Variants in IRGM observed in about 807,000 individuals in gnomAD.
The protein encoded by IRGM is immunity related GTPase M.
For missense variants in IRGM, 288 were observed against 219.9 expected, an observed-to-expected ratio of 1.31 and a Z score of -1.96; for synonymous variants, 98 against 80.6, an observed-to-expected ratio of 1.22 and a Z score of -1.16.
intron 1 of IRGM, among the ~76,000 whole-genome samples, chr5:150,863,372 A>C (rs1754162889): frequency 2.6e-5 from 4 of 152,198 alleles, no homozygotes; most frequent in Admixed American, 2.0e-4. Flanking sequence ...ACAGTGTTGA[A>C]ATTTTTGCAA....
intron 3 of IRGM, among the ~76,000 whole-genome samples, chr5:150,887,920 C>T (rs1000800260): frequency 9.2e-5 from 14 of 151,980 alleles, no homozygotes; most frequent in African/African-American, 3.1e-4. Context: ...GCATAATAAC[C>T]AGCTAAGAGC....
chr5:150,865,313 GAACT>G (rs984429244), intron 1 of IRGM, among the ~76,000 whole-genome samples: 1 of 152,006 alleles, frequency 6.6e-6, no homozygotes, highest in African/African-American at 2.4e-5. Flanking sequence ...ATTAGAAAAA[GAACT>G]AAAACAGGCA....
chr5:150,883,750 AG>A (rs1754478006), intron 3 of IRGM, among the ~76,000 whole-genome samples: 1 of 152,010 alleles, frequency 6.6e-6, no homozygotes, highest in South Asian at 2.1e-4. Context: ...AGTAAGAAAA[AG>A]TCTCCCACCA....
chr5:150,871,140 C>T (rs1276820225), intron 1 of IRGM, among the ~76,000 whole-genome samples: 1 of 152,202 alleles, frequency 6.6e-6, no homozygotes, highest in East Asian at 1.9e-4. Context: ...TCACCCCATG[C>T]TACAGTTTGA....
intron 1 of IRGM, among the ~76,000 whole-genome samples, chr5:150,872,472 G>A (rs1477182835): frequency 6.6e-6 from 1 of 152,182 alleles, no homozygotes; most frequent in African/African-American, 2.4e-5. Context: ...GCCCCTAGAG[G>A]TGAGGTTCAT....
intron 3 of IRGM, among the ~76,000 whole-genome samples, chr5:150,892,209 GT>G (rs34123150): frequency 0.2 from 29,823 of 146,932 alleles, 4,630 homozygotes; most frequent in East Asian, 0.43. Context: ...TTTTTATGGA[GT>G]TTTTTTTTTT....
intron 3 of IRGM, among the ~76,000 whole-genome samples, chr5:150,892,193 TAA>T (rs927079600): frequency 1.3e-5 from 2 of 148,772 alleles, no homozygotes; most frequent in African/African-American, 5.1e-5. Flanking sequence ...ATGGTGACAT[TAA>T]GTGTTTTTAT....
chr5:150,896,386 T>A (rs1754782029), intron 3 of IRGM: 1 of 1,613,570 alleles, frequency 6.2e-7, no homozygotes, highest in South Asian at 1.1e-5. Context: ...TGATGTACAA[T>A]GAGTTGTGAC....
At chr5:150,885,833 T>A (rs1416761424) in intron 3 of IRGM, among the ~76,000 whole-genome samples, 2 of 152,112 alleles carry the variant, frequency 1.3e-5, no homozygotes, top group Non-Finnish European at 2.9e-5. Flanking sequence ...ATGGGGTTTT[T>A]TAGATATAGA....
chr5:150,891,621 G>A (rs912952219), intron 3 of IRGM, among the ~76,000 whole-genome samples: 1 of 152,024 alleles, frequency 6.6e-6, no homozygotes, highest in Non-Finnish European at 1.5e-5. Context: ...CTACTGCCAA[G>A]TTATATTGTG....
intron 1 of IRGM, among the ~76,000 whole-genome samples, chr5:150,872,710 TG>T (rs1372215150): frequency 3.3e-5 from 5 of 152,140 alleles, no homozygotes; most frequent in African/African-American, 1.2e-4. Flanking sequence ...TTCTAATTGT[TG>T]GTTTGCTTGG....
chr5:150,857,876 G>T (rs1754080552), intron 1 of IRGM, among the ~76,000 whole-genome samples: 1 of 151,448 alleles, frequency 6.6e-6, no homozygotes, highest in South Asian at 2.1e-4. Context: ...TTTGTAGGTT[G>T]CCTGTTCACT....
At chr5:150,892,350 GCATAA>G (rs1233434507) in intron 3 of IRGM, among the ~76,000 whole-genome samples, 1 of 152,036 alleles carries the variant, frequency 6.6e-6, no homozygotes, top group Admixed American at 6.6e-5. Context: ...AGGAGAGGCA[GCATAA>G]CATAATTGTT....
At chr5:150,881,126 TCA>T (rs1754439032) in intron 3 of IRGM, among the ~76,000 whole-genome samples, 1 of 123,392 alleles carries the variant, frequency 8.1e-6, no homozygotes, top group African/African-American at 3.5e-5. Flanking sequence ...AAACTCCATA[TCA>T]AAAAAAAAAA....
At chr5:150,847,426 T>G (rs78011576) in intron 1 of IRGM, 414 of 152,412 alleles carry the variant, frequency 2.7e-3, no homozygotes, top group African/African-American at 9.5e-3. Flanking sequence ...CCTCTTGGGC[T>G]TTTCAGGAGA....
downstream of IRGM, among the ~76,000 whole-genome samples, chr5:150,902,272 A>T (rs868283963): frequency 2.0e-5 from 3 of 152,212 alleles, no homozygotes; most frequent in Admixed American, 1.3e-4. Context: ...AAAGCACAGC[A>T]AAAGATATGG....
chr5:150,885,975 G>C (rs1239271238), intron 3 of IRGM, among the ~76,000 whole-genome samples: 1 of 152,076 alleles, frequency 6.6e-6, no homozygotes, highest in Non-Finnish European at 1.5e-5. Context: ...AGGGTATCCT[G>C]TCTTGTGCCA....
At chr5:150,876,779 G>A (rs1754370524) in intron 1 of IRGM, among the ~76,000 whole-genome samples, 1 of 152,218 alleles carries the variant, frequency 6.6e-6, no homozygotes, top group Non-Finnish European at 1.5e-5. Flanking sequence ...TGAAGTCAAA[G>A]GGAATACAGA....
At chr5:150,873,630 TG>T (rs371973780) in intron 1 of IRGM, among the ~76,000 whole-genome samples, 2 of 152,166 alleles carry the variant, frequency 1.3e-5, no homozygotes, top group African/African-American at 2.4e-5. Context: ...TTTTAGCTTT[TG>T]TCTGACTTAC....
Sources: allele counts gnomAD v4.1 joint callset (sites outside exome capture counted in the v4.1 genomes callset), GRCh38; gene constraint gnomAD v4.1.1; transcripts MANE v1.5; gene names NCBI Gene and HGNC (gene_info 2026-07-23, HGNC 2026-07-21).